Variants in HNF1B observed in about 807,000 individuals in gnomAD.
HNF1B encodes the protein hepatocyte nuclear factor 1-beta.
In HNF1B, 8 loss-of-function variants were observed where a neutral mutation model predicts 61.7. The ratio of observed to expected loss-of-function variants is 0.13; its 90% CI spans 0.08 to 0.23. The LOEUF is 0.23. Ranked by LOEUF, HNF1B falls within the 10% of genes least tolerant of loss-of-function variation. The probability of loss-of-function intolerance (pLI) is 1.00; values close to 1 mark genes in which losing one functional copy is unlikely to be tolerated. For synonymous variants in HNF1B, 314 were observed against 287.7 expected (o/e 1.09, Z -0.93); for missense variants, 562 against 714.5 (o/e 0.79, Z 2.43).
intron 1 of HNF1B, among the ~76,000 whole-genome samples, chr17:37,741,400 T>G (rs2033988236): frequency 6.6e-6 from 1 of 152,166 alleles, no homozygotes; most frequent in African/African-American, 2.4e-5. Flanking sequence ...AACGAATTTC[T>G]CAAGTATTTA....
chr17:37,692,733 T>C (rs2032246935), intron 8 of HNF1B, among the ~76,000 whole-genome samples: 1 of 152,028 alleles, frequency 6.6e-6, no homozygotes, highest in African/African-American at 2.4e-5. Context: ...TCCTGGGAAA[T>C]AGGTGAGCAG....
chr17:37,728,104 C>T (rs1186027940), intron 4 of HNF1B, among the ~76,000 whole-genome samples: 5 of 152,132 alleles, frequency 3.3e-5, no homozygotes, highest in East Asian at 3.9e-4. Context: ...CGGGTTCAAG[C>T]GATTCTCCTG....
chr17:37,741,703 G>A (rs529924359), intron 1 of HNF1B, among the ~76,000 whole-genome samples: 1 of 152,058 alleles, frequency 6.6e-6, no homozygotes, highest in Non-Finnish European at 1.5e-5. Context: ...CAAATTCTTC[G>A]GCTATTTTTC....
chr17:37,719,473 C>CA (rs1345718758), intron 4 of HNF1B, among the ~76,000 whole-genome samples: 1 of 152,138 alleles, frequency 6.6e-6, no homozygotes, highest in Non-Finnish European at 1.5e-5. Context: ...CCCCTTTCTC[C>CA]AAAGAAACTA....
chr17:37,722,975 C>T (rs1210312687), intron 4 of HNF1B, among the ~76,000 whole-genome samples: 1 of 152,124 alleles, frequency 6.6e-6, no homozygotes, highest in Non-Finnish European at 1.5e-5. Context: ...ACCCCTCTAC[C>T]TGGCAGGTTC....
At chr17:37,695,541 C>A (rs1040084527) in intron 8 of HNF1B, among the ~76,000 whole-genome samples, 2 of 152,220 alleles carry the variant, frequency 1.3e-5, no homozygotes, top group African/African-American at 4.8e-5. Context: ...GCCTGCCACC[C>A]TCTAGACCTC....
At chr17:37,742,039 A>G (rs1428822789) in intron 1 of HNF1B, among the ~76,000 whole-genome samples, 2 of 152,216 alleles carry the variant, frequency 1.3e-5, no homozygotes, top group Non-Finnish European at 2.9e-5. Context: ...GAGGTTCCCT[A>G]ACACCGAGAA....
rs187811820 is a variant in HNF1B at position 37,732,912 on chromosome 17, C to A, written c.809+645G>T. Among the ~76,000 whole-genome samples the A allele has an allele frequency of 5.6e-4, 84 of 151,100 alleles. No individual in the cohort carries two copies. In the East Asian group the frequency reaches 0.016, roughly 29 times the overall value. ...CCCAGGCTGGTCTCAAACTCCTGGG[C>A]TCAAGCAATCCTCCCGCCTCGGCCT... is the stretch of plus-strand genomic sequence containing the variant. On this transcript the variant is annotated intron_variant, in intron 3 of 8. Transcript: ENST00000617811.
At chr17:37,698,428 A>G (rs2032456805) in intron 8 of HNF1B, among the ~76,000 whole-genome samples, 1 of 152,162 alleles carries the variant, frequency 6.6e-6, no homozygotes, top group African/African-American at 2.4e-5. Flanking sequence ...GGTGGGACTT[A>G]GTCATCAACT....
In HNF1B at chr17:37,744,905, A is replaced by AGG; in HGVS notation, c.-23_-22dup. On this transcript the variant is annotated 5_prime_UTR_variant, in exon 1 of 9. Transcript: ENST00000617811. ...ACCATTTTCCAAGGACGGAAAAAGA[A>AGG]GGGGGTGAGGGGGTGGGTGGGTGCG... 2 of 306,240 alleles carry AGG rather than the reference A, an allele frequency of 6.5e-6. No individual in the cohort carries two copies. Among genetic ancestry groups the AGG allele is most frequent in the Non-Finnish European group, 1.2e-5 (2 of 160,550 alleles). The allele number at this position is 306,240 out of a possible 1,614,324, so 19.0% of individuals were successfully genotyped here.
In HNF1B at chr17:37,710,676, A is replaced by G. The variant is rs1482122163; in HGVS notation, c.1046-13T>C. 6.2e-7 allele frequency: 1 copy of G among 1,611,966 alleles called. No individual in the cohort carries two copies. Among genetic ancestry groups the G allele is most frequent in the Non-Finnish European group, 8.5e-7 (1 of 1,178,700 alleles). Reference sequence around the variant, plus strand: ...CTGTAGCGCACTCCTGCAAAACAACACAAACCCAGTAGGGAACATTAGTGC... The same window carrying G: ...CTGTAGCGCACTCCTGCAAAACAACGCAAACCCAGTAGGGAACATTAGTGC... On this transcript the variant is annotated splice_polypyrimidine_tract_variant and intron_variant, in intron 4 of 8. Transcript: ENST00000617811.
chr17:37,715,558 T>C (rs1387838645), intron 4 of HNF1B, among the ~76,000 whole-genome samples: 1 of 152,134 alleles, frequency 6.6e-6, no homozygotes, highest in Non-Finnish European at 1.5e-5. Flanking sequence ...CTAACAATGC[T>C]CCTGTGTGTA....
chr17:37,710,354 C>T (rs2032890371), intron 5 of HNF1B, 149 bp downstream of exon 5: 1 of 1,031,094 alleles, frequency 9.7e-7, no homozygotes, highest in East Asian at 2.4e-5. Flanking sequence ...GTCACCAGCA[C>T]TACCTCTCCT....
At chr17:37,721,802 A>C (rs1346031738) in intron 4 of HNF1B, among the ~76,000 whole-genome samples, 1 of 151,412 alleles carries the variant, frequency 6.6e-6, no homozygotes, top group East Asian at 1.9e-4. Flanking sequence ...AAAGTGCTTA[A>C]TTTATCTCAA....
intron 2 of HNF1B, among the ~76,000 whole-genome samples, chr17:37,737,285 G>T (rs562097188): frequency 7.2e-5 from 11 of 152,250 alleles, no homozygotes; most frequent in Admixed American, 3.3e-4. Context: ...AGCCTCCCAT[G>T]ATGTCTCCAG....
chr17:37,693,871 G>A (rs1325526924), intron 8 of HNF1B, among the ~76,000 whole-genome samples: 1 of 152,228 alleles, frequency 6.6e-6, no homozygotes, highest in Non-Finnish European at 1.5e-5. Context: ...AGATCTGGTT[G>A]TTTAAGAGTC....
chr17:37,701,208 A>G (rs2147447523), intron 6 of HNF1B, 31 bp from the exon 7 acceptor site: 1 of 1,543,260 alleles, frequency 6.5e-7, no homozygotes, highest in African/African-American at 1.4e-5. Flanking sequence ...GATCACAGAC[A>G]GCTCCTGGGA....
chr17:37,733,426 C>T (rs1312911593), intron 3 of HNF1B, 131 bp downstream of exon 3: 2 of 1,046,154 alleles, frequency 1.9e-6, no homozygotes, highest in African/African-American at 1.6e-5. Flanking sequence ...TTCTGTGGAA[C>T]ATACTTTGAG....
intron 3 of HNF1B, among the ~76,000 whole-genome samples, chr17:37,733,068 G>A (rs2033736078): frequency 6.6e-6 from 1 of 152,156 alleles, no homozygotes; most frequent in Admixed American, 6.5e-5. Context: ...CTCCTGCCAA[G>A]TTTCCTTTTG....
Sources: gnomAD v4.1 joint callset for allele counts (sites outside exome capture counted in the v4.1 genomes callset) on GRCh38, gnomAD v4.1.1 for gene constraint, MANE v1.5 for transcripts, NCBI Gene and HGNC (gene_info 2026-07-23, HGNC 2026-07-21) for gene names.